COL24A1: variants seen among roughly 807,000 people sequenced by gnomAD.
COL24A1 encodes the protein collagen type XXIV alpha 1 chain.
Under a neutral mutation model 253.9 loss-of-function variants are expected in COL24A1, and 224 were observed. That is an observed-to-expected ratio of 0.88 (90% confidence interval 0.79 to 0.99). COL24A1 has a LOEUF of 0.99. COL24A1 is among the 50% of genes least tolerant of loss of function. The probability of loss-of-function intolerance (pLI) is 0.00; values close to 1 mark genes in which losing one functional copy is unlikely to be tolerated. For missense variants in COL24A1, 2,131 were observed against 2,068.5 expected, an observed-to-expected ratio of 1.03 and a Z score of -0.59; for synonymous variants, 685 against 673.7, an observed-to-expected ratio of 1.02 and a Z score of -0.26.
At chr1:86,041,317 GC>G (rs1159964983) in intron 12 of COL24A1, among the ~76,000 whole-genome samples, 1 of 152,106 alleles carries the variant, frequency 6.6e-6, no homozygotes, top group Non-Finnish European at 1.5e-5. Flanking sequence ...AAAAACATCA[GC>G]ATTCGGATAG....
intron 45 of COL24A1, among the ~76,000 whole-genome samples, chr1:85,821,565 G>T (rs184017295): frequency 7.8e-4 from 118 of 152,242 alleles, no homozygotes; most frequent in African/African-American, 2.4e-3. Context: ...GCCACTGAAG[G>T]TGTCCCTAGT....
chr1:86,139,949 A>G (rs1382893068), intron 2 of COL24A1, among the ~76,000 whole-genome samples: 2 of 152,202 alleles, frequency 1.3e-5, no homozygotes, highest in Non-Finnish European at 2.9e-5. Context: ...AGACTCAAAT[A>G]CAGCTTCCTA....
Position 85,877,160 on chromosome 1 carries a change from G to T in COL24A1, c.2992C>A (p.Gln998Lys), listed in dbSNP as rs1681272365. Residue 998 changes from glutamine to lysine, a missense_variant, in exon 33 of 60, where the codon CAA becomes AAA. Physicochemically the swap from Gln to Lys is moderately conservative, Grantham distance 53 (BLOSUM62 1). Transcript: ENST00000370571. ...TCTCCAGGAGGTCCAACATCACCTT[G>T]CAGTCCTCGCAGTCCCTATATTAAA... Reference protein sequence around the residue: ...LPGEPGLRGLQGDVGPPGEMG... With the variant: ...LPGEPGLRGLKGDVGPPGEMG... 2 of 1,601,272 alleles carry T rather than the reference G, an allele frequency of 1.2e-6. No individual in the cohort carries two copies. Among genetic ancestry groups the T allele is most frequent in the Admixed American group, 3.5e-5 (2 of 57,970 alleles).
intron 47 of COL24A1, among the ~76,000 whole-genome samples, chr1:85,798,711 G>A (rs1570661759): frequency 6.6e-6 from 1 of 152,054 alleles, no homozygotes; most frequent in African/African-American, 2.4e-5. Context: ...GGAAAATTCA[G>A]GATTTTCAAT....
At chr1:86,082,181 C>T (rs1702690607) in intron 7 of COL24A1, among the ~76,000 whole-genome samples, 2 of 152,148 alleles carry the variant, frequency 1.3e-5, no homozygotes, top group South Asian at 2.1e-4. Flanking sequence ...GGATTTGCCT[C>T]TGGCACTCCC....
At chr1:86,047,731 A>G (rs761862533) in intron 11 of COL24A1, among the ~76,000 whole-genome samples, 3 of 152,032 alleles carry the variant, frequency 2.0e-5, no homozygotes, top group African/African-American at 4.8e-5. Flanking sequence ...ATATAAAACC[A>G]TTCAGTAAAT....
rs148222667 is a variant in COL24A1 at position 86,122,819 on chromosome 1, C to T, written c.1491+2026G>A. Among the ~76,000 whole-genome samples, 30 of 152,094 alleles carry T rather than the reference C, an allele frequency of 2.0e-4. 1 individual carries two copies. The East Asian group carries it at 5.4e-3, about 27-fold the overall frequency. On this transcript the variant is annotated intron_variant, in intron 3 of 59. Coordinates refer to ENST00000370571, the MANE Select transcript of COL24A1 (RefSeq NM_152890.7). ...AACACCAAGATGGTAACAGAAACTT[C>T]GTATCCTGGACACTGTTACCAGACC...
rs1404622409 is a variant in COL24A1 at position 85,940,370 on chromosome 1, C to G, written c.2562+20879G>C. On this transcript the variant is annotated intron_variant, in intron 24 of 59. Transcript: ENST00000370571. ...AGTGAGCCGAGATCGCGCCACTGCA[C>G]TCCAGCCTGGGCGACAGAGCGAGAC... Among the ~76,000 whole-genome samples, 4 of 13,160 alleles carry G rather than the reference C, an allele frequency of 3.0e-4. 1 individual carries two copies. The highest frequency in any genetic ancestry group is 7.6e-4 in the African/African-American group (4 of 5,274). The allele number at this position is 13,160 out of a possible 152,430, so 8.6% of individuals were successfully genotyped here.
rs1427068654 is a variant in COL24A1 at position 86,156,350 on chromosome 1, G to A, written c.47C>T (p.Thr16Met). ...HRTRRGKVSPTAKTKSLLHFI... is the reference protein window; with the variant it reads ...HRTRRGKVSPMAKTKSLLHFI... ...CGGGTGGGCTACTTACGTTTTTGCC[G>A]TGGGGGAGACTTTTCCACGCCTTGT... Residue 16 changes from threonine to methionine, a missense_variant, in exon 1 of 60, where the codon ACG becomes ATG. Transcript: ENST00000370571. 17 of 1,612,518 alleles carry A rather than the reference G, an allele frequency of 1.1e-5. No homozygotes were observed. Among genetic ancestry groups the A allele is most frequent in the Non-Finnish European group, 1.4e-5 (16 of 1,179,396 alleles).
At chr1:85,733,712 TGGG>T (rs1295291558) in intron 59 of COL24A1, among the ~76,000 whole-genome samples, 4 of 151,814 alleles carry the variant, frequency 2.6e-5, no homozygotes, top group African/African-American at 9.7e-5. Flanking sequence ...CCTGAGTAGC[TGGG>T]ATTATTGGCG....
At chr1:86,096,483 C>T (rs544176309) in intron 5 of COL24A1, among the ~76,000 whole-genome samples, 15 of 152,118 alleles carry the variant, frequency 9.9e-5, no homozygotes, top group Non-Finnish European at 2.1e-4. Flanking sequence ...TAGGCCTCCA[C>T]AACTTTAACA....
At chr1:85,959,583 C>T (rs1318909659) in intron 24 of COL24A1, among the ~76,000 whole-genome samples, 1 of 152,082 alleles carries the variant, frequency 6.6e-6, no homozygotes, top group Non-Finnish European at 1.5e-5. Context: ...CAAAATGTAT[C>T]TTTTAAAGCT....
intron 24 of COL24A1, among the ~76,000 whole-genome samples, chr1:85,942,525 T>C (rs1014361495): frequency 3.9e-5 from 6 of 152,206 alleles, no homozygotes; most frequent in Non-Finnish European, 7.3e-5. Flanking sequence ...TAGAATACGC[T>C]AGGTAAATTA....
chr1:85,946,143 G>T (rs1017454861), intron 24 of COL24A1, among the ~76,000 whole-genome samples: 2 of 152,158 alleles, frequency 1.3e-5, no homozygotes, highest in African/African-American at 4.8e-5. Flanking sequence ...CCAGAGGGTA[G>T]CTATGTGATC....
chr1:85,997,554 T>G (rs12027751), intron 19 of COL24A1, among the ~76,000 whole-genome samples: 59,083 of 151,824 alleles, frequency 0.39, 11,984 homozygotes, highest in East Asian at 0.58. Flanking sequence ...GGAGGCCAAC[T>G]TGGGTGGATC....
intron 47 of COL24A1, among the ~76,000 whole-genome samples, chr1:85,798,776 G>A (rs551189644): frequency 6.6e-6 from 1 of 152,232 alleles, no homozygotes; most frequent in African/African-American, 2.4e-5. Flanking sequence ...GTGTTCACCT[G>A]GAAAACTGCA....
intron 32 of COL24A1, among the ~76,000 whole-genome samples, chr1:85,877,640 G>T (rs1286570118): frequency 2.6e-5 from 4 of 152,170 alleles, no homozygotes; most frequent in African/African-American, 9.7e-5. Flanking sequence ...CGGGATTACA[G>T]GCATGAGCCA....
rs1399776200 is a variant in COL24A1 at position 86,031,905 on chromosome 1, A to C, written c.2022T>G (p.Thr674=). The C allele has an allele frequency of 5.0e-6, 8 of 1,609,294 alleles. No individual in the cohort carries two copies. The highest frequency in any genetic ancestry group is 6.8e-6 in the Non-Finnish European group (8 of 1,177,668). ...TAAGCCCAGGAAACCCCGGAGGACC[A>C]GTGCCACCTACAAGTCCCTATTGTA... The part of the protein sequence containing the change: ...LDGSPGLVGG[T]GPPGFPGLRG... The change falls in exon 14 of 60, where the codon ACT becomes ACG. Residue 674 remains threonine (T), a synonymous_variant. Coordinates refer to ENST00000370571, the MANE Select transcript of COL24A1 (RefSeq NM_152890.7).
At chr1:85,828,495 G>A (rs1188013974) in intron 43 of COL24A1, among the ~76,000 whole-genome samples, 1 of 150,994 alleles carries the variant, frequency 6.6e-6, no homozygotes, top group African/African-American at 2.4e-5. Flanking sequence ...TTTCTGTCTC[G>A]TTGATCTGTC....
Sources: allele counts gnomAD v4.1 joint callset (sites outside exome capture counted in the v4.1 genomes callset), GRCh38; gene constraint gnomAD v4.1.1; transcripts MANE v1.5; gene names NCBI Gene and HGNC (gene_info 2026-07-23, HGNC 2026-07-21).